The following FAM228B variants were observed in gnomAD, a reference collection of about 807,000 sequenced individuals.
FAM228B encodes the protein family with sequence similarity 228 member B.
In FAM228B, 38 loss-of-function variants were observed where a neutral mutation model predicts 42.6. The observed-to-expected ratio is 0.89, with a 90% CI of 0.69 to 1.17. The LOEUF (loss-of-function observed/expected upper bound fraction) is 1.17. FAM228B is among the 50% of genes most tolerant of loss of function. The pLI is 0.00. For missense variants in FAM228B, 344 were observed against 367.3 expected (o/e 0.94, Z 0.52); for synonymous variants, 109 against 122.3 (o/e 0.89, Z 0.72).
In FAM228B at chr2:24,155,231, C is replaced by A. The variant is rs185115977; in HGVS notation, c.687-6275C>A. Among the ~76,000 whole-genome samples, 213 of 152,156 alleles carry A rather than the reference C, an allele frequency of 1.4e-3. 1 individual carries two copies. The highest frequency in any genetic ancestry group is 4.9e-3 in the African/African-American group (205 of 41,536). ...TATTGATTTTGTAGTGAGCAAATCA[C>A]ATTAATGGGCATACAGTGAGTTCCA... On this transcript the variant is annotated intron_variant, in intron 7 of 10. Transcript: ENST00000615575.
At position 24,084,394 on chromosome 2, in the gene FAM228B, G is replaced by A; in HGVS notation, c.-210+3439G>A. 1 of 1,514,330 alleles carries A rather than the reference G, an allele frequency of 6.6e-7. No homozygotes were observed. The highest frequency in any genetic ancestry group is 1.8e-5 in the Admixed American group (1 of 55,050). 93.8% of individuals were successfully genotyped at this position (1,514,330 alleles called of 1,614,324 possible). On this transcript the variant is annotated intron_variant, in intron 2 of 10. Coordinates refer to the FAM228B transcript ENST00000613899. This position sits in a 1 kb window ranked among gnomAD's most constrained non-coding sequence, Gnocchi z 8.4. ...GGCAGGGCAGGGCAGGACAGGACAG[G>A]GCAGGGCAGGACAGGACAGGGCAGG...
rs1377245182 is a variant in FAM228B at position 24,080,692 on chromosome 2, G to T, written c.-289-184G>T. 25 of 1,099,950 alleles carry T rather than the reference G, an allele frequency of 2.3e-5. No homozygotes were observed. In the East Asian group the frequency reaches 5.2e-4, roughly 23 times the overall value. 68.1% of individuals were successfully genotyped at this position (1,099,950 alleles called of 1,614,324 possible). A position where few individuals can be genotyped will look rare whatever the true frequency, so the allele number is the denominator to read the frequency against. On this transcript the variant is annotated intron_variant, in intron 1 of 10. Transcript: ENST00000613899. The surrounding 1 kb of genome is among the most constrained non-coding windows in gnomAD (Gnocchi z 4.7). ...TCAAATACCATAGTACTAGAATTTG[G>T]CCAGGGCAGCTGTTGTGCACTTAGC...
At chr2:24,130,837 A>G (rs1277025403) in intron 2 of FAM228B, among the ~76,000 whole-genome samples, 1 of 152,072 alleles carries the variant, frequency 6.6e-6, no homozygotes, top group Non-Finnish European at 1.5e-5. Context: ...CTTTTGTTGC[A>G]ATTGCTTTTG....
At chr2:24,154,511 A>G (rs1667089795) in intron 7 of FAM228B, among the ~76,000 whole-genome samples, 1 of 152,216 alleles carries the variant, frequency 6.6e-6, no homozygotes, top group Non-Finnish European at 1.5e-5. Flanking sequence ...CTCTCAGCCT[A>G]TGGCTTATCT....
chr2:24,090,557 C>T (rs1243363811), intron 2 of FAM228B, among the ~76,000 whole-genome samples: 2 of 117,986 alleles, frequency 1.7e-5, no homozygotes, highest in Non-Finnish European at 1.7e-5. Context: ...GAGAGCCTCC[C>T]ATCTCAAAAA....
chr2:24,155,224 C>A (rs1667106978), intron 7 of FAM228B, among the ~76,000 whole-genome samples: 1 of 151,978 alleles, frequency 6.6e-6, no homozygotes, highest in African/African-American at 2.4e-5. Context: ...TTGTAGTGAG[C>A]AAATCACATT....
chr2:24,103,195 C>G (rs1558371425), intron 3 of FAM228B, among the ~76,000 whole-genome samples: 1 of 152,294 alleles, frequency 6.6e-6, no homozygotes, highest in East Asian at 1.9e-4. Flanking sequence ...AAGCCAGGCT[C>G]AAAGGCTCAA....
At chr2:24,121,551 T>C (rs977889902), upstream of FAM228B, among the ~76,000 whole-genome samples, 1 of 152,184 alleles carries the variant, frequency 6.6e-6, no homozygotes, top group African/African-American at 2.4e-5. Context: ...TGTATGGCTG[T>C]TTTTCCTCTA....
intron 5 of FAM228B, among the ~76,000 whole-genome samples, chr2:24,143,131 A>G (rs1320762868): frequency 1.3e-5 from 2 of 152,172 alleles, no homozygotes; most frequent in Non-Finnish European, 2.9e-5. Context: ...GATGATCTAA[A>G]AAGGCTGTTA....
intron 3 of FAM228B, among the ~76,000 whole-genome samples, chr2:24,107,957 A>G (rs1402578567): frequency 6.6e-6 from 1 of 152,206 alleles, no homozygotes; most frequent in African/African-American, 2.4e-5. Context: ...AGACACAAAA[A>G]CCATACAAAA....
intron 7 of FAM228B, among the ~76,000 whole-genome samples, chr2:24,153,291 G>A (rs369757113): frequency 6.6e-6 from 1 of 152,148 alleles, no homozygotes; most frequent in African/African-American, 2.4e-5. Context: ...CCACAGCTAG[G>A]AATGTTCTGG....
chr2:24,127,748 C>T (rs756581169), intron 2 of FAM228B, among the ~76,000 whole-genome samples: 2 of 151,960 alleles, frequency 1.3e-5, no homozygotes, highest in African/African-American at 2.4e-5. Context: ...CTCCAACCTC[C>T]GCCTCCCGGG....
chr2:24,083,775 G>A (rs1458642456), intron 2 of FAM228B, among the ~76,000 whole-genome samples: 3 of 152,114 alleles, frequency 2.0e-5, no homozygotes, highest in African/African-American at 7.2e-5. Context: ...GAGGTCTTTG[G>A]AGCCACAAAG....
At chr2:24,164,500 G>A (rs537014350) in intron 9 of FAM228B, among the ~76,000 whole-genome samples, 165 bp downstream of exon 9, 1 of 152,284 alleles carries the variant, frequency 6.6e-6, no homozygotes, top group African/African-American at 2.4e-5. Flanking sequence ...TTATTCAGAG[G>A]GAATGGAGAG....
At chr2:24,081,657 A>G (rs1665006549) in intron 2 of FAM228B, among the ~76,000 whole-genome samples, 1 of 151,216 alleles carries the variant, frequency 6.6e-6, no homozygotes, top group African/African-American at 2.4e-5. Context: ...ATCCTTCACT[A>G]CTGAGTGCAG....
At chr2:24,156,157 C>T (rs1212877383) in intron 7 of FAM228B, among the ~76,000 whole-genome samples, 1 of 152,226 alleles carries the variant, frequency 6.6e-6, no homozygotes, top group Non-Finnish European at 1.5e-5. Flanking sequence ...CTATTTTCCA[C>T]ACATAAGTCA....
rs536176355 is a variant in FAM228B, at chr2:24,090,173, C to T, written c.-209-4968C>T. Among the ~76,000 whole-genome samples the T allele has an allele frequency of 2.6e-5, 4 of 151,622 alleles. No individual in the cohort carries two copies. The East Asian group carries it at 5.9e-4, about 22-fold the overall frequency. ...GTCCCAGTTACTCGGGAGGTTGAAG[C>T]AGGAGAATGGCGTGAACCCGGGAGG... On this transcript the variant is annotated intron_variant, in intron 2 of 10. Coordinates refer to the FAM228B transcript ENST00000613899.
chr2:24,136,503 C>T (rs557083608), intron 3 of FAM228B, among the ~76,000 whole-genome samples: 3 of 152,166 alleles, frequency 2.0e-5, no homozygotes, highest in East Asian at 3.9e-4. Context: ...GGATTACAGG[C>T]GTGGGATTGC....
At chr2:24,105,798 C>A (rs1665688199) in intron 3 of FAM228B, among the ~76,000 whole-genome samples, 1 of 152,170 alleles carries the variant, frequency 6.6e-6, no homozygotes, top group African/African-American at 2.4e-5. Context: ...GAAAAACACA[C>A]TACAAGAATT....
Sources: gnomAD v4.1 joint callset for allele counts (sites outside exome capture counted in the v4.1 genomes callset) on GRCh38, gnomAD v4.1.1 for gene constraint, Gnocchi (gnomAD v3.1) non-coding constraint, MANE v1.5 for transcripts, NCBI Gene and HGNC (gene_info 2026-07-23, HGNC 2026-07-21) for gene names.